Variants in FTCD observed in about 807,000 individuals in gnomAD.
FTCD encodes the protein formimidoyltransferase-cyclodeaminase.
In FTCD, 76 loss-of-function variants were observed where a neutral mutation model predicts 62.9. That is an observed-to-expected ratio of 1.21 (90% CI 1.00 to 1.46). The LOEUF (loss-of-function observed/expected upper bound fraction) is 1.46. FTCD is among the 40% of genes most tolerant of loss of function. The pLI is 0.00. For synonymous variants in FTCD, 397 were observed against 336.9 expected (o/e 1.18, Z -1.95); for missense variants, 845 against 751.3 (o/e 1.12, Z -1.46).
At chr21:46,153,424 G>C (rs113743763) in intron 2 of FTCD, among the ~76,000 whole-genome samples, 9,939 of 152,220 alleles carry the variant, frequency 0.065, 1,075 homozygotes, top group African/African-American at 0.22. Context: ...CAGGCCAAGA[G>C]GGGGCGCTCG....
intron 10 of FTCD, among the ~76,000 whole-genome samples, chr21:46,144,147 C>T (rs1336102804): frequency 6.6e-6 from 1 of 151,866 alleles, no homozygotes; most frequent in Non-Finnish European, 1.5e-5. Flanking sequence ...TTAAAGATGA[C>T]TCACACTCTT....
chr21:46,147,575 G>T (rs567150766), intron 7 of FTCD, among the ~76,000 whole-genome samples: 1 of 152,228 alleles, frequency 6.6e-6, no homozygotes, highest in South Asian at 2.1e-4. Flanking sequence ...TCACCACAAG[G>T]AGGCAGCACG....
chr21:46,150,612 G>T, intron 5 of FTCD, 87 bp from the exon 6 acceptor site: 1 of 1,350,362 alleles, frequency 7.4e-7, no homozygotes, highest in Non-Finnish European at 1.1e-6. Context: ...GCATTCCCCA[G>T]CTGGACGGGG....
Position 46,152,985 on chromosome 21 carries a change from T to G in FTCD, c.289A>C (p.Arg97=). 6.4e-7 allele frequency: 1 copy of G among 1,553,058 alleles called. No individual in the cohort carries two copies. The change falls in exon 3 of 14, where the codon AGG becomes CGG. Residue 97 remains arginine (R), a synonymous_variant. Coordinates refer to ENST00000397746, the MANE Select transcript of FTCD (RefSeq NM_206965.2). ...ALDVCPFIPV[R]GVSVDECVLC... is the part of the protein sequence containing the mutation. ...ACACACTCATCCACGCTGACGCCCC[T>G]CACGGGGATGAAGGGGCAGACGTCT...
intron 7 of FTCD, among the ~76,000 whole-genome samples, chr21:46,148,284 G>A (rs368006304): frequency 1.3e-4 from 20 of 152,242 alleles, no homozygotes; most frequent in African/African-American, 4.1e-4. Flanking sequence ...ATGGGGAGTC[G>A]GCGTCTCTGA....
At chr21:46,149,828 G>A (rs954769427) in intron 7 of FTCD, among the ~76,000 whole-genome samples, 1 of 152,174 alleles carries the variant, frequency 6.6e-6, no homozygotes, top group African/African-American at 2.4e-5. Context: ...GTGGTGAGAG[G>A]AGGCACAGGC....
intron 10 of FTCD, among the ~76,000 whole-genome samples, chr21:46,140,256 C>T (rs937620313): frequency 4.0e-5 from 6 of 149,852 alleles, no homozygotes; most frequent in African/African-American, 1.5e-4. Context: ...ACCAATGCAG[C>T]ACTCCCCGTC....
chr21:46,142,318 G>A (rs4818824), intron 10 of FTCD: 1 of 101,558 alleles, frequency 9.8e-6, no homozygotes, highest in African/African-American at 4.6e-5. Context: ...TCTTCCTCCC[G>A]GTGAGGCCGC....
chr21:46,136,779 T>C lies in FTCD; in HGVS notation c.*208A>G. On this transcript the variant is annotated 3_prime_UTR_variant, in exon 14 of 14. Coordinates refer to ENST00000397746, the MANE Select transcript of FTCD (RefSeq NM_206965.2). ...CAAAACCGCCAACACACAACACAGG[T>C]TTGGTGCCAAAACTTTACTGGAGGT... 1 of 1,515,022 alleles carries C rather than the reference T, an allele frequency of 6.6e-7. No individual in the cohort carries two copies. Among genetic ancestry groups the C allele is most frequent in the Non-Finnish European group, 8.9e-7 (1 of 1,128,438 alleles). The allele number at this position is 1,515,022 out of a possible 1,614,324, so 93.8% of individuals were successfully genotyped here. A position where few individuals can be genotyped will look rare whatever the true frequency, so the allele number is the denominator to read the frequency against.
Position 46,155,495 on chromosome 21 carries a change from T to G in FTCD, c.29A>C (p.Asn10Thr), listed in dbSNP as rs1303835263. 7.4e-6 allele frequency: 12 copies of G among 1,612,986 alleles called. No individual in the cohort carries two copies. Among genetic ancestry groups the G allele is most frequent in the African/African-American group, 1.3e-5 (1 of 75,056 alleles). Residue 10 changes from asparagine (N) to threonine (T), a missense_variant, in exon 1 of 14, where the codon AAC becomes ACC. By Grantham distance (65) the Asn-to-Thr change is moderately conservative. Transcript: ENST00000397746. MSQLVECVP[N>T]FSEGKNQEVI... ...CTCCTGGTTCTTCCCCTCCGAAAAG[T>G]TGGGGACGCATTCCACCAGCTGGGA...
chr21:46,146,429 C>T lies in FTCD; in HGVS notation c.907-102G>A, dbSNP rs535439371. The T allele has an allele frequency of 3.9e-4, 317 of 808,586 alleles. 3 individuals are homozygous for T. In the South Asian group the frequency reaches 4.5e-3, roughly 11 times the overall value. 50.1% of individuals were successfully genotyped at this position (808,586 alleles called of 1,614,324 possible). A position where few individuals can be genotyped will look rare whatever the true frequency, so the allele number is the denominator to read the frequency against. ...ACCCTTGCGGCAGCCGCCCCCTGCC[C>T]CGAGCACACAGGTGCTTTTGCGGGG... On this transcript the variant is annotated intron_variant, in intron 7 of 13. Coordinates refer to ENST00000397746, the MANE Select transcript of FTCD (RefSeq NM_206965.2).
downstream of FTCD, chr21:46,136,543 C>G: frequency 6.2e-7 from 1 of 1,604,812 alleles, no homozygotes; most frequent in Non-Finnish European, 8.5e-7. Context: ...CAAGGGGCCT[C>G]ACAGCCCAGG....
intron 12 of FTCD, 51 bp from the exon 13 acceptor site, chr21:46,137,385 C>T (rs746924498): frequency 3.9e-5 from 54 of 1,369,636 alleles, no homozygotes; most frequent in Non-Finnish European, 4.9e-5. Flanking sequence ...AGCAAACTGC[C>T]GGAAGGAGGG....
rs906399744 is a variant in FTCD at position 46,149,413 on chromosome 21, G to T, written c.906+706C>A. 5.9e-4 allele frequency among the ~76,000 whole-genome samples: 90 copies of T among 152,204 alleles called. 1 individual carries two copies. On this transcript the variant is annotated intron_variant, in intron 7 of 13. Coordinates refer to ENST00000397746, the MANE Select transcript of FTCD (RefSeq NM_206965.2). ...AGAAAATATGCCCGAGACTAAACAAGGACGGAATCCACAAGTCACGAGAGC... is the reference window on the plus strand; with the variant it reads ...AGAAAATATGCCCGAGACTAAACAATGACGGAATCCACAAGTCACGAGAGC...
chr21:46,146,025 C>G (rs1327080429), intron 8 of FTCD, 78 bp from the exon 9 acceptor site: 1 of 911,566 alleles, frequency 1.1e-6, no homozygotes, highest in Non-Finnish European at 1.6e-6. Context: ...GGCCCCAGGC[C>G]CCACGCCCGT....
chr21:46,152,899 A>C lies in FTCD; in HGVS notation c.367+8T>G. 1 of 1,568,442 alleles carries C rather than the reference A, an allele frequency of 6.4e-7. No individual in the cohort carries two copies. The highest frequency in any genetic ancestry group is 8.6e-7 in the Non-Finnish European group (1 of 1,156,540). On this transcript the variant is annotated splice_region_variant and intron_variant, in intron 3 of 13. Transcript: ENST00000397746. ...AGCAGAGTGAGGGGGGCGGGGGGGCACGCTCACCTGGCACGTCCAGCTCCT... is the reference window on the plus strand; with the variant it reads ...AGCAGAGTGAGGGGGGCGGGGGGGCCCGCTCACCTGGCACGTCCAGCTCCT...
At chr21:46,150,360 C>T (rs1483069637) in intron 6 of FTCD, 28 bp downstream of exon 6, 3 of 1,611,780 alleles carry the variant, frequency 1.9e-6, no homozygotes, top group African/African-American at 2.7e-5. Context: ...TCGCCCCTCA[C>T]AGCAGCAGCG....
At position 46,137,663 on chromosome 21, in the gene FTCD, C is replaced by T. The variant is rs540283097; in HGVS notation, c.1444-329G>A. On this transcript the variant is annotated intron_variant, in intron 12 of 13. Coordinates refer to ENST00000397746, the MANE Select transcript of FTCD (RefSeq NM_206965.2). The stretch of plus-strand genomic sequence containing the variant: ...GCCCCCGGAGGCAGCTTCAGGCTAA[C>T]GGCCCGCCCACTGCCCAGGGACACT... Among the ~76,000 whole-genome samples, 46 of 152,274 alleles carry T rather than the reference C, an allele frequency of 3.0e-4. No homozygotes were observed. The Middle Eastern group carries it at 0.01, about 34-fold the overall frequency.
chr21:46,138,725 G>A, intron 11 of FTCD, 79 bp from the exon 12 acceptor site: 4 of 1,517,708 alleles, frequency 2.6e-6, no homozygotes, highest in Non-Finnish European at 3.6e-6. Flanking sequence ...CAACAGGGCT[G>A]AGCAGGCTGC....
Sources: allele counts gnomAD v4.1 joint callset (sites outside exome capture counted in the v4.1 genomes callset), GRCh38; gene constraint gnomAD v4.1.1; transcripts MANE v1.5; gene names NCBI Gene and HGNC (gene_info 2026-07-23, HGNC 2026-07-21).